Variants in GET1 observed in about 807,000 individuals in gnomAD.
GET1 encodes guided entry of tail-anchored proteins factor 1.
A neutral mutation model predicts 22.6 loss-of-function variants in GET1; 20 were observed. The ratio of observed to expected loss-of-function variants is 0.89; its 90% CI spans 0.62 to 1.29. GET1 has a LOEUF of 1.29. Ranked by LOEUF, GET1 falls within the 50% of genes most tolerant of loss-of-function variation. The probability of loss-of-function intolerance (pLI) is 0.00; values close to 1 mark genes in which losing one functional copy is unlikely to be tolerated. For missense variants in GET1, 209 were observed against 219.9 expected (o/e 0.95, Z 0.31); for synonymous variants, 92 against 83.8 (o/e 1.10, Z -0.53).
intron 1 of GET1, among the ~76,000 whole-genome samples, chr21:39,423,864 G>C (rs2074169663): frequency 6.6e-6 from 1 of 152,158 alleles, no homozygotes; most frequent in African/African-American, 2.4e-5. Flanking sequence ...ACTAAAAGCT[G>C]TGATAATAGG....
At chr21:39,387,106 C>T (rs932090619) in intron 1 of GET1, among the ~76,000 whole-genome samples, 3 of 152,186 alleles carry the variant, frequency 2.0e-5, no homozygotes, top group Non-Finnish European at 2.9e-5. Context: ...ACGATCTTCC[C>T]GCGTCAGTCT....
chr21:39,381,662 T>TA (rs1215206296), intron 1 of GET1, among the ~76,000 whole-genome samples: 2 of 152,244 alleles, frequency 1.3e-5, no homozygotes, highest in African/African-American at 4.8e-5. Flanking sequence ...AAAATACACA[T>TA]AATATGAAGT....
In GET1 at chr21:39,393,273, A is replaced by T; in HGVS notation, c.444A>T (p.Arg148Ser). The change falls in exon 4 of 5, where the codon AGA becomes AGT. Residue 148 changes from arginine (R) to serine (S), a missense_variant. Arg to Ser is a moderately radical substitution (Grantham distance 110, BLOSUM62 -1). Transcript: ENST00000649170. ...PLDRLVAFPT[R>S]VAGGVGITCW... ...ACCGCCTGGTAGCCTTTCCTACTAG[A>T]GTAGCAGGTAAGAATTTTCTGGAAG... 1 of 1,613,452 alleles carries T rather than the reference A, an allele frequency of 6.2e-7. No individual in the cohort carries two copies. Among genetic ancestry groups the T allele is most frequent in the Non-Finnish European group, 8.5e-7 (1 of 1,179,432 alleles).
At chr21:39,420,847 A>G (rs759926218) in intron 1 of GET1, 26 of 1,610,732 alleles carry the variant, frequency 1.6e-5, no homozygotes, top group South Asian at 3.3e-5. Flanking sequence ...CCAAGCTCTG[A>G]AAACAGTATA....
intron 1 of GET1, chr21:39,423,017 T>TA: frequency 6.2e-7 from 1 of 1,614,098 alleles, no homozygotes; most frequent in Non-Finnish European, 8.5e-7. Flanking sequence ...GTTGTGATAA[T>TA]AGATAATTTA....
exon 5 of GET1, chr21:39,406,130 T>C (rs1166511336): frequency 1.2e-6 from 2 of 1,614,274 alleles, no homozygotes; most frequent in Admixed American, 3.3e-5. Context: ...CTGAAAGTTG[T>C]ATCCTTCACT....
chr21:39,413,970 G>GACGGTCCTCCTTGCGGCTTGGAGC (rs367815104), intron 1 of GET1: 11 of 152,396 alleles, frequency 7.2e-5, no homozygotes, highest in African/African-American at 2.7e-4. Context: ...CAACCTGGAG[G>GACGGTCCTCCTTGCGGCTTGGAGC]ACGGTCCTCC....
chr21:39,414,595 G>T (rs1347959184), intron 1 of GET1, among the ~76,000 whole-genome samples: 3 of 152,120 alleles, frequency 2.0e-5, no homozygotes, highest in South Asian at 2.1e-4. Flanking sequence ...CCAAAAGGTG[G>T]AGTTCACTGC....
intron 3 of GET1, among the ~76,000 whole-genome samples, chr21:39,392,412 C>T (rs904200557): frequency 4.6e-5 from 7 of 152,090 alleles, no homozygotes; most frequent in African/African-American, 9.7e-5. Flanking sequence ...CCATGTGATC[C>T]GGTAACCAAG....
At chr21:39,406,930 A>G (rs1043694903), downstream of GET1, among the ~76,000 whole-genome samples, 1 of 152,214 alleles carries the variant, frequency 6.6e-6, no homozygotes, top group East Asian at 1.9e-4. Context: ...ACATACTGCC[A>G]GTTGAAACAA....
At chr21:39,419,331 C>T (rs1176871397) in intron 1 of GET1, among the ~76,000 whole-genome samples, 1 of 151,964 alleles carries the variant, frequency 6.6e-6, no homozygotes, top group African/African-American at 2.4e-5. Context: ...TTGAGACCAG[C>T]CTGGGCAACA....
chr21:39,427,526 G>A (rs1191717363), intron 1 of GET1, among the ~76,000 whole-genome samples: 1 of 152,106 alleles, frequency 6.6e-6, no homozygotes, highest in Non-Finnish European at 1.5e-5. Context: ...GCCGGGCGTG[G>A]TGGTGGGTGC....
downstream of GET1, among the ~76,000 whole-genome samples, chr21:39,401,959 C>T (rs1202922972): frequency 6.6e-6 from 1 of 152,106 alleles, no homozygotes; most frequent in African/African-American, 2.4e-5. Context: ...CTCCCCCTTC[C>T]CCAGGGCTCC....
chr21:39,417,609 G>A (rs1375727169), intron 1 of GET1, among the ~76,000 whole-genome samples: 1 of 152,156 alleles, frequency 6.6e-6, no homozygotes, highest in Non-Finnish European at 1.5e-5. Context: ...TAATTTATAA[G>A]GGACAGAGGT....
At chr21:39,403,367 C>T (rs931007390) in intron 4 of GET1, among the ~76,000 whole-genome samples, 3 of 152,182 alleles carry the variant, frequency 2.0e-5, no homozygotes, top group Non-Finnish European at 4.4e-5. Context: ...CGCTCTGTTG[C>T]CCAGGCTGGA....
At chr21:39,418,605 A>G (rs1051884091) in intron 1 of GET1, among the ~76,000 whole-genome samples, 1 of 151,980 alleles carries the variant, frequency 6.6e-6, no homozygotes, top group Admixed American at 6.6e-5. Context: ...GGTTCAAGCA[A>G]TTCTCCTGCC....
At chr21:39,406,893 T>C (rs1358152185), downstream of GET1, among the ~76,000 whole-genome samples, 2 of 152,170 alleles carry the variant, frequency 1.3e-5, no homozygotes, top group Non-Finnish European at 2.9e-5. Context: ...ATAAGGTTAT[T>C]AATAGATGTT....
In GET1 at chr21:39,397,028, AAC is replaced by A. The variant is rs2038701977; in HGVS notation, c.*91_*92del. 7.1e-7 allele frequency: 1 copy of A among 1,399,336 alleles called. No homozygotes were observed. The allele number at this position is 1,399,336 out of a possible 1,614,324, so 86.7% of individuals were successfully genotyped here. A position where few individuals can be genotyped will look rare whatever the true frequency, so the allele number is the denominator to read the frequency against. On this transcript the variant is annotated 3_prime_UTR_variant, in exon 5 of 5. Transcript: ENST00000649170. ...ATTTACACTGTTTTGTTTTTTAAGAAACAAAAGTGCATAGTTTAGATTTTTTT... is the reference window on the plus strand; with the variant it reads ...ATTTACACTGTTTTGTTTTTTAAGAAAAAAGTGCATAGTTTAGATTTTTTT...
At chr21:39,402,743 T>G (rs1319980993), downstream of GET1, among the ~76,000 whole-genome samples, 1 of 152,228 alleles carries the variant, frequency 6.6e-6, no homozygotes, top group Non-Finnish European at 1.5e-5. Flanking sequence ...TGGATTTGTT[T>G]TTAAAAATCT....
Sources: gnomAD v4.1 joint callset for allele counts (sites outside exome capture counted in the v4.1 genomes callset) on GRCh38, gnomAD v4.1.1 for gene constraint, MANE v1.5 for transcripts, NCBI Gene and HGNC (gene_info 2026-07-23, HGNC 2026-07-21) for gene names.